FSTL5: variants seen among roughly 807,000 people sequenced by gnomAD.
The protein encoded by FSTL5 is follistatin-related protein 5.
Under a neutral mutation model 89.1 loss-of-function variants are expected in FSTL5, and 62 were observed. That is an observed-to-expected ratio of 0.70 (90% CI 0.57 to 0.86). The LOEUF (loss-of-function observed/expected upper bound fraction) is 0.86, where lower values mean the gene tolerates loss of function less well. Among genes scored for constraint, FSTL5 ranks in the 40% least tolerant of loss-of-function variants. The pLI, the probability that FSTL5 is intolerant of heterozygous loss-of-function variation, is 0.00. For missense variants in FSTL5, 1,057 were observed against 1,001.6 expected (o/e 1.06, Z -0.75); for synonymous variants, 383 against 346.2 (o/e 1.11, Z -1.18).
intron 7 of FSTL5, among the ~76,000 whole-genome samples, chr4:161,618,600 G>A (rs933191973): frequency 3.2e-4 from 49 of 151,776 alleles, no homozygotes; most frequent in African/African-American, 1.1e-3. Flanking sequence ...TTTTCTCTTC[G>A]GTTCTGTTTA....
chr4:161,966,149 T>C (rs1735320821), intron 3 of FSTL5, among the ~76,000 whole-genome samples: 1 of 152,112 alleles, frequency 6.6e-6, no homozygotes, highest in Admixed American at 6.6e-5. Context: ...ACAATGTATA[T>C]TGTTTAATTC....
chr4:161,486,832 TTTAA>T (rs1729699582), intron 12 of FSTL5, among the ~76,000 whole-genome samples: 1 of 152,222 alleles, frequency 6.6e-6, no homozygotes, highest in Admixed American at 6.5e-5. Flanking sequence ...TGGTATGAAT[TTTAA>T]TTAATTAATT....
At chr4:161,992,145 T>A (rs1316199718) in intron 3 of FSTL5, among the ~76,000 whole-genome samples, 1 of 152,208 alleles carries the variant, frequency 6.6e-6, no homozygotes, top group African/African-American at 2.4e-5. Flanking sequence ...GATTTTAACA[T>A]CTTCAAATTT....
chr4:161,593,616 A>C (rs750137577), intron 7 of FSTL5, among the ~76,000 whole-genome samples: 30 of 151,996 alleles, frequency 2.0e-4, no homozygotes, highest in Non-Finnish European at 3.4e-4. Flanking sequence ...GGGGAATCAT[A>C]CTGTACACTC....
At chr4:162,009,887 T>C (rs922943914) in intron 3 of FSTL5, among the ~76,000 whole-genome samples, 9 of 151,994 alleles carry the variant, frequency 5.9e-5, no homozygotes, top group African/African-American at 1.9e-4. Context: ...AGATGAAATA[T>C]AGCATGCAAT....
intron 3 of FSTL5, among the ~76,000 whole-genome samples, chr4:161,938,860 CCTTAAA>C (rs974388862): frequency 7.1e-4 from 108 of 151,854 alleles, no homozygotes; most frequent in African/African-American, 2.6e-3. Flanking sequence ...CTTAATTTAT[CCTTAAA>C]CTTAAGTATT....
At chr4:162,047,281 T>C (rs1738218236) in intron 2 of FSTL5, 1 of 152,050 alleles carries the variant, frequency 6.6e-6, no homozygotes, top group African/African-American at 2.4e-5. Context: ...AGTTGGGAAA[T>C]GATAAAAATA....
At chr4:162,061,893 T>C (rs1414657594) in intron 2 of FSTL5, among the ~76,000 whole-genome samples, 2 of 152,082 alleles carry the variant, frequency 1.3e-5, no homozygotes, top group Admixed American at 1.3e-4. Context: ...TTTTTGAAAG[T>C]TTAATTTTTA....
intron 7 of FSTL5, among the ~76,000 whole-genome samples, chr4:161,593,698 T>C (rs1286570929): frequency 1.3e-5 from 2 of 152,102 alleles, no homozygotes; most frequent in African/African-American, 4.8e-5. Context: ...AATATCATAT[T>C]ATATACGATC....
intron 8 of FSTL5, among the ~76,000 whole-genome samples, chr4:161,551,431 G>A (rs1732208805): frequency 6.6e-6 from 1 of 151,372 alleles, no homozygotes; most frequent in Admixed American, 6.6e-5. Context: ...TGATGGGGTT[G>A]TTTGTTTTTT....
chr4:162,023,258 G>A (rs574788304), intron 3 of FSTL5, among the ~76,000 whole-genome samples: 1 of 152,236 alleles, frequency 6.6e-6, no homozygotes, highest in Non-Finnish European at 1.5e-5. Context: ...TTGTTCAGTA[G>A]TGTATCTCCA....
intron 10 of FSTL5, among the ~76,000 whole-genome samples, chr4:161,518,889 T>TG (rs1730930226): frequency 6.6e-6 from 1 of 152,160 alleles, no homozygotes; most frequent in Non-Finnish European, 1.5e-5. Context: ...TACATTCATC[T>TG]GAAGGCTTGT....
chr4:161,881,844 G>A (rs1352246271), intron 4 of FSTL5, among the ~76,000 whole-genome samples: 1 of 152,062 alleles, frequency 6.6e-6, no homozygotes, highest in East Asian at 1.9e-4. Context: ...GGCCTTAAAA[G>A]ACTTTTTTCT....
At chr4:162,114,948 C>T (rs1225399791) in intron 1 of FSTL5, among the ~76,000 whole-genome samples, 1 of 152,110 alleles carries the variant, frequency 6.6e-6, no homozygotes, top group Non-Finnish European at 1.5e-5. Context: ...TACATATATG[C>T]TTTACCTCAG....
At chr4:161,481,653 C>T (rs1729514547) in intron 12 of FSTL5, among the ~76,000 whole-genome samples, 1 of 152,104 alleles carries the variant, frequency 6.6e-6, no homozygotes, top group Non-Finnish European at 1.5e-5. Flanking sequence ...AAATCAGAGG[C>T]TTAAATAAAT....
intron 3 of FSTL5, among the ~76,000 whole-genome samples, chr4:161,924,793 G>T (rs1177184820): frequency 6.6e-6 from 1 of 150,682 alleles, no homozygotes; most frequent in African/African-American, 2.4e-5. Context: ...AGGGAGGGAA[G>T]AACCAGATTT....
At position 161,636,418 on chromosome 4, in the gene FSTL5, G is replaced by T. The variant is rs1735703233; in HGVS notation, c.894+19910C>A. ...TCTTGCCCCTTCAATCATGTAAGAA[G>T]ATTTTGACTTTTTGAATTCTGGCAG... On this transcript the variant is annotated intron_variant, in intron 7 of 15. Transcript: ENST00000306100. 2.0e-5 allele frequency among the ~76,000 whole-genome samples: 3 copies of T among 146,560 alleles called. No individual in the cohort carries two copies. In the South Asian group the frequency reaches 6.6e-4, roughly 32 times the overall value.
intron 7 of FSTL5, among the ~76,000 whole-genome samples, chr4:161,600,201 A>T (rs978537490): frequency 3.3e-5 from 5 of 150,168 alleles, no homozygotes; most frequent in Admixed American, 2.7e-4. Context: ...ACACACACAA[A>T]CAGTATGCCT....
chr4:161,651,052 C>G (rs1736324101), intron 7 of FSTL5, among the ~76,000 whole-genome samples: 2 of 152,050 alleles, frequency 1.3e-5, no homozygotes. Context: ...TATTTTATTT[C>G]CTCTCCAGGT....
Sources: gnomAD v4.1 joint callset for allele counts (sites outside exome capture counted in the v4.1 genomes callset) on GRCh38, gnomAD v4.1.1 for gene constraint, MANE v1.5 for transcripts, NCBI Gene and HGNC (gene_info 2026-07-23, HGNC 2026-07-21) for gene names.